Variants in GGA3 observed in about 807,000 individuals in gnomAD.
GGA3 encodes the protein golgi associated, gamma adaptin ear containing, ARF binding protein 3.
In GGA3, 57 loss-of-function variants were observed where a neutral mutation model predicts 77.5. That is an observed-to-expected ratio of 0.74 (90% CI 0.59 to 0.92). The LOEUF (loss-of-function observed/expected upper bound fraction) is 0.92, where lower values mean the gene tolerates loss of function less well. Among genes scored for constraint, GGA3 ranks in the 40% least tolerant of loss-of-function variants. GGA3 has a pLI of 0.00. For missense variants in GGA3, 970 were observed against 914.9 expected (o/e 1.06, Z -0.78); for synonymous variants, 416 against 383.7 (o/e 1.08, Z -0.98).
rs572042653 is a variant in GGA3, at chr17:75,259,944, T to C, written c.40+1604A>G. On this transcript the variant is annotated intron_variant, in intron 1 of 16. Coordinates refer to ENST00000537686, the MANE Select transcript of GGA3 (RefSeq NM_138619.4). ...GTGGGAGGATCACTTGAACTCGAGT[T>C]TGAGACCATCCTGGGCAACACAGCA... 4.5e-4 allele frequency among the ~76,000 whole-genome samples: 68 copies of C among 152,240 alleles called. 2 individuals carry two copies. The highest frequency in any genetic ancestry group is 4.0e-3 in the Admixed American group (61 of 15,292).
chr17:75,238,445 C>T, intron 16 of GGA3, 56 bp from the exon 17 acceptor site: 1 of 1,434,974 alleles, frequency 7.0e-7, no homozygotes, highest in Non-Finnish European at 9.7e-7. Flanking sequence ...GGCAGGACGC[C>T]CTCTATTCTG....
chr17:75,240,547 G>A (rs2076511592), intron 11 of GGA3, 135 bp from the exon 12 acceptor site: 1 of 682,704 alleles, frequency 1.5e-6, no homozygotes, highest in South Asian at 1.8e-5. Flanking sequence ...TCTGCAGGCA[G>A]CCTCCAGAGG....
Position 75,242,825 on chromosome 17 carries a change from A to T in GGA3, c.609+6T>A. ...CCCCGTGCCTGAAGGACCGGGGCCC[A>T]CTCACTTCCTTCACCATGGACTTGA... On this transcript the variant is annotated splice_donor_region_variant and intron_variant, in intron 7 of 16. Coordinates refer to ENST00000537686, the MANE Select transcript of GGA3 (RefSeq NM_138619.4). 6.2e-7 allele frequency: 1 copy of T among 1,605,574 alleles called. No homozygotes were observed. The highest frequency in any genetic ancestry group is 8.5e-7 in the Non-Finnish European group (1 of 1,172,334).
intron 16 of GGA3, 109 bp downstream of exon 16, chr17:75,238,543 T>G: frequency 1.0e-6 from 1 of 982,546 alleles, no homozygotes; most frequent in Non-Finnish European, 1.6e-6. Flanking sequence ...CAAAGGGATG[T>G]GTCAATCCTA....
At chr17:75,261,504 GC>G in intron 1 of GGA3, 43 bp downstream of exon 1, 1 of 1,467,426 alleles carries the variant, frequency 6.8e-7, no homozygotes, top group Non-Finnish European at 9.1e-7. Flanking sequence ...GACAGGGGCA[GC>G]CCAGCGGCTC....
upstream of GGA3, chr17:75,262,012 G>A (rs113104724): frequency 6.3e-7 from 1 of 1,599,656 alleles, no homozygotes; most frequent in Non-Finnish European, 8.5e-7. Context: ...GCGGCGGGGG[G>A]GCGCTGCGAG....
chr17:75,255,279 A>C (rs1406246967), intron 1 of GGA3, among the ~76,000 whole-genome samples: 1 of 151,934 alleles, frequency 6.6e-6, no homozygotes. Flanking sequence ...AACTTAGACA[A>C]TACTCTTTTA....
At position 75,237,934 on chromosome 17, in the gene GGA3, C is replaced by G; in HGVS notation, c.*345G>C. 2 of 655,754 alleles carry G rather than the reference C, an allele frequency of 3.0e-6. No individual in the cohort carries two copies. The highest frequency in any genetic ancestry group is 4.0e-6 in the Non-Finnish European group (2 of 498,102). 40.6% of individuals were successfully genotyped at this position (655,754 alleles called of 1,614,324 possible). A position where few individuals can be genotyped will look rare whatever the true frequency, so the allele number is the denominator to read the frequency against. ...TTAGAGACTCCCACCCCCCACCCCC[C>G]ACCCCAGTGGCTTCAGTGAATGCCA... is the stretch of plus-strand genomic sequence containing the variant. On this transcript the variant is annotated 3_prime_UTR_variant, in exon 17 of 17. Coordinates refer to ENST00000537686, the MANE Select transcript of GGA3 (RefSeq NM_138619.4).
At chr17:75,261,946 G>A, upstream of GGA3, 1 of 1,608,536 alleles carries the variant, frequency 6.2e-7, no homozygotes, top group Non-Finnish European at 8.5e-7. Context: ...GTCGGGCCTG[G>A]CGTTGGGCGT....
upstream of GGA3, chr17:75,261,686 G>A (rs1318111958): frequency 6.4e-6 from 8 of 1,259,368 alleles, no homozygotes; most frequent in African/African-American, 3.0e-5. Context: ...AGTGAGTGCC[G>A]TCACCGAGGG....
At chr17:75,261,678 T>A (rs1010401556), upstream of GGA3, 7 of 1,303,366 alleles carry the variant, frequency 5.4e-6, no homozygotes, top group East Asian at 1.8e-4. Context: ...CTGAGAGGAG[T>A]GAGTGCCGTC....
At chr17:75,244,410 T>C in intron 4 of GGA3, 1 of 527,806 alleles carries the variant, frequency 1.9e-6, no homozygotes, top group South Asian at 2.0e-5. Context: ...ACCTGTCAGA[T>C]TTGGGCTGAG....
chr17:75,242,751 C>T (rs2076605568), intron 7 of GGA3, 80 bp downstream of exon 7: 2 of 1,230,272 alleles, frequency 1.6e-6, no homozygotes, highest in South Asian at 1.2e-5. Context: ...CAAAACAGGC[C>T]CGTGTCCGGG....
rs1568110353 is a variant in GGA3 at position 75,239,134 on chromosome 17, C to T, written c.1781-51G>A. The T allele has an allele frequency of 1.2e-5, 18 of 1,548,784 alleles. No individual in the cohort carries two copies. In the East Asian group the frequency reaches 3.9e-4, roughly 33 times the overall value. On this transcript the variant is annotated intron_variant, in intron 14 of 16. Coordinates refer to ENST00000537686, the MANE Select transcript of GGA3 (RefSeq NM_138619.4). ...GAGGAGCAGCACCAGAGACACCCAA[C>T]AGAGCCCCGGCGGTGAGGAGAAAAG...
Position 75,238,197 on chromosome 17 carries a change from T to G in GGA3, c.*82A>C. 6.4e-7 allele frequency: 1 copy of G among 1,559,612 alleles called. No individual in the cohort carries two copies. Among genetic ancestry groups the G allele is most frequent in the Non-Finnish European group, 8.7e-7 (1 of 1,151,702 alleles). ...AGCTACAAGCACTGTTGTCAGGGCA[T>G]GGAGAGTGACGGGACCAGAGCCCTC... On this transcript the variant is annotated 3_prime_UTR_variant, in exon 17 of 17. Transcript: ENST00000537686.
chr17:75,257,382 C>T (rs965990519), intron 1 of GGA3, among the ~76,000 whole-genome samples: 28 of 150,378 alleles, frequency 1.9e-4, no homozygotes, highest in Admixed American at 7.4e-4. Flanking sequence ...CTCTTGTTTA[C>T]ACTGCTGGTT....
intron 1 of GGA3, among the ~76,000 whole-genome samples, chr17:75,250,532 G>A (rs1314248032): frequency 3.3e-5 from 5 of 152,140 alleles, no homozygotes; most frequent in Non-Finnish European, 7.4e-5. Context: ...GGAGGCCAAG[G>A]CAGGTGGATC....
At chr17:75,254,079 G>A (rs890801593) in intron 1 of GGA3, among the ~76,000 whole-genome samples, 6 of 151,968 alleles carry the variant, frequency 3.9e-5, no homozygotes, top group Admixed American at 2.0e-4. Context: ...TTCACACTTC[G>A]TTCCCTCTCA....
chr17:75,239,017 T>C lies in GGA3; in HGVS notation c.1847A>G (p.Glu616Gly). 3.1e-6 allele frequency: 5 copies of C among 1,614,070 alleles called. No individual in the cohort carries two copies. The highest frequency in any genetic ancestry group is 4.2e-6 in the Non-Finnish European group (5 of 1,180,016). The change falls in exon 15 of 17, where the codon GAG becomes GGG. Residue 616 changes from glutamate (E) to glycine (G), a missense_variant. By Grantham distance (98) the Glu-to-Gly change is moderately conservative. Coordinates refer to ENST00000537686, the MANE Select transcript of GGA3 (RefSeq NM_138619.4). ...CACGTCAGGTCGTCCTGGGGGACACTCCTTGGCAAAGTGGAAGAGGATGCG... is the reference window on the plus strand; with the variant it reads ...CACGTCAGGTCGTCCTGGGGGACACCCCTTGGCAAAGTGGAAGAGGATGCG... Reference protein sequence around the residue: ...GFRILFHFAKECPPGRPDVLV... With the variant: ...GFRILFHFAKGCPPGRPDVLV...
Sources: allele counts gnomAD v4.1 joint callset (sites outside exome capture counted in the v4.1 genomes callset), GRCh38; gene constraint gnomAD v4.1.1; transcripts MANE v1.5; gene names NCBI Gene and HGNC (gene_info 2026-07-23, HGNC 2026-07-21).